LRFN2: variants seen among roughly 807,000 people sequenced by gnomAD.
LRFN2 encodes the protein leucine-rich repeat and fibronectin type-III domain-containing protein 2.
A neutral mutation model predicts 37.3 loss-of-function variants in LRFN2; 18 were observed. The observed-to-expected ratio is 0.48, with a 90% CI of 0.33 to 0.72. The LOEUF is 0.72. LRFN2 is among the 30% of genes least tolerant of loss of function. The pLI, the probability that LRFN2 is intolerant of heterozygous loss-of-function variation, is 0.02. For synonymous variants in LRFN2, 556 were observed against 466.6 expected (o/e 1.19, Z -2.47); for missense variants, 1,006 against 1,060.7 (o/e 0.95, Z 0.72).
chr6:40,499,892 G>A (rs1363240325), intron 1 of LRFN2, among the ~76,000 whole-genome samples: 2 of 152,216 alleles, frequency 1.3e-5, no homozygotes, highest in South Asian at 2.1e-4. Flanking sequence ...TTTCTCATCT[G>A]GAAAATGGGA....
At chr6:40,489,290 C>T (rs1189447013) in intron 1 of LRFN2, among the ~76,000 whole-genome samples, 1 of 152,242 alleles carries the variant, frequency 6.6e-6, no homozygotes, top group Non-Finnish European at 1.5e-5. Context: ...AGCACCAATT[C>T]AACAATCATC....
intron 2 of LRFN2, among the ~76,000 whole-genome samples, chr6:40,430,982 T>C (rs1386470795): frequency 6.6e-6 from 1 of 152,022 alleles, no homozygotes; most frequent in African/African-American, 2.4e-5. Flanking sequence ...AAATAGAACT[T>C]AGGGAAGGTA....
At chr6:40,521,130 G>C (rs1191825736) in intron 1 of LRFN2, among the ~76,000 whole-genome samples, 4 of 152,180 alleles carry the variant, frequency 2.6e-5, no homozygotes, top group Non-Finnish European at 5.9e-5. Context: ...GAGAAGAGGA[G>C]GGGACAGGAA....
At position 40,392,617 on chromosome 6, in the gene LRFN2, TG is replaced by T; in HGVS notation, c.1695del (p.Ser566AlafsTer7). Reference protein sequence around the residue: ...VRYKVCNHEAPSKMAAAVSNV... With the variant: ...VRYKVCNHEAXSKMAAAVSNV... ...TTGCTCACGGCCGCTGCCATCTTGC[TG>T]GGGGCCTCGTGGTTGCAGACCTTGT... On this transcript the variant is annotated frameshift_variant, in exon 3 of 3. Coordinates refer to ENST00000338305, the MANE Select transcript of LRFN2 (RefSeq NM_020737.3). LOFTEE classifies it high-confidence loss of function. The surrounding 1 kb of genome is among the most constrained non-coding windows in gnomAD (Gnocchi z 4.7). 6.2e-7 allele frequency: 1 copy of T among 1,610,822 alleles called. No individual in the cohort carries two copies.
At chr6:40,468,247 A>G (rs1000613428) in intron 1 of LRFN2, among the ~76,000 whole-genome samples, 4 of 151,970 alleles carry the variant, frequency 2.6e-5, no homozygotes, top group Non-Finnish European at 5.9e-5. Flanking sequence ...CTTCTTCCCC[A>G]CCCACAAGCA....
In LRFN2 at chr6:40,476,829, C is replaced by T. The variant is rs573706619; in HGVS notation, c.-18-43698G>A. On this transcript the variant is annotated intron_variant, in intron 1 of 2. Transcript: ENST00000338305. Reference sequence around the variant, plus strand: ...CAGAACAGGCCTCGGATGTTGGTGGCCCAATGGACATCTTCTGCCCCAGTC... The same window carrying T: ...CAGAACAGGCCTCGGATGTTGGTGGTCCAATGGACATCTTCTGCCCCAGTC... Among the ~76,000 whole-genome samples, 19 of 152,310 alleles carry T rather than the reference C, an allele frequency of 1.2e-4. No individual in the cohort carries two copies. In the East Asian group the frequency reaches 3.5e-3, roughly 28 times the overall value.
chr6:40,428,550 C>A (rs756964206), intron 2 of LRFN2, among the ~76,000 whole-genome samples: 5 of 152,210 alleles, frequency 3.3e-5, no homozygotes, highest in African/African-American at 7.2e-5. Flanking sequence ...CAAGCCATAA[C>A]CCCTTTTAGG....
chr6:40,396,733 T>G (rs2113793442), intron 2 of LRFN2, among the ~76,000 whole-genome samples: 1 of 104,582 alleles, frequency 9.6e-6, no homozygotes, highest in South Asian at 3.3e-4. Context: ...TGTGTGTGTA[T>G]GTGTGCGTGT....
intron 1 of LRFN2, among the ~76,000 whole-genome samples, chr6:40,471,962 G>A (rs1484311451): frequency 6.6e-6 from 1 of 152,152 alleles, no homozygotes; most frequent in East Asian, 1.9e-4. Flanking sequence ...CATGCCCCAG[G>A]TATCCCAAAT....
At chr6:40,435,202 C>G (rs1295593134) in intron 1 of LRFN2, among the ~76,000 whole-genome samples, 1 of 140,946 alleles carries the variant, frequency 7.1e-6, no homozygotes, top group Non-Finnish European at 1.5e-5. Context: ...GCTCTGTCAC[C>G]CAGGCTGGAG....
At chr6:40,507,819 A>G (rs548747903) in intron 1 of LRFN2, among the ~76,000 whole-genome samples, 8 of 152,202 alleles carry the variant, frequency 5.3e-5, no homozygotes, top group Non-Finnish European at 7.4e-5. Context: ...TTCAGATTCT[A>G]TCTGAATCTG....
chr6:40,392,255 C>T lies in LRFN2; in HGVS notation c.2058G>A (p.Thr686=), dbSNP rs570222636. ...GGTCCGAGTGGTGGCCCCGGGCCGA[C>T]GTCCCAGCCCCTCTCCCGGCTGGAG... The part of the protein sequence containing the change: ...SRTPAGRGAG[T]SARGHHSDRE... The change falls in exon 3 of 3, where the codon ACG becomes ACA. Residue 686 remains threonine (T), a synonymous_variant. Coordinates refer to ENST00000338305, the MANE Select transcript of LRFN2 (RefSeq NM_020737.3). The surrounding 1 kb of genome is among the most constrained non-coding windows in gnomAD (Gnocchi z 4.7). 3 of 1,585,164 alleles carry T rather than the reference C, an allele frequency of 1.9e-6. No individual in the cohort carries two copies. The highest frequency in any genetic ancestry group is 2.3e-5 in the East Asian group (1 of 44,318).
chr6:40,420,042 A>G (rs1001327396), intron 2 of LRFN2, among the ~76,000 whole-genome samples: 51 of 152,270 alleles, frequency 3.3e-4, no homozygotes, highest in Non-Finnish European at 4.0e-4. Flanking sequence ...TTACAATGCA[A>G]TCGGAGTTCA....
Position 40,500,426 on chromosome 6 carries a change from GCTT to G in LRFN2, c.-18-67298_-18-67296del, listed in dbSNP as rs377539240. 5.3e-5 allele frequency among the ~76,000 whole-genome samples: 8 copies of G among 152,354 alleles called. No individual in the cohort carries two copies. In the East Asian group the frequency reaches 1.5e-3, roughly 29 times the overall value. On this transcript the variant is annotated intron_variant, in intron 1 of 2. Transcript: ENST00000338305. ...CAGGCCGAGGGGCAGGCGGCTAATAGCTTGCATCACTGCAAGTCTTTGAGTGCC... is the reference window on the plus strand; with the variant it reads ...CAGGCCGAGGGGCAGGCGGCTAATAGGCATCACTGCAAGTCTTTGAGTGCC...
chr6:40,394,728 G>A (rs1762578627), intron 2 of LRFN2, among the ~76,000 whole-genome samples: 1 of 152,110 alleles, frequency 6.6e-6, no homozygotes, highest in Non-Finnish European at 1.5e-5. Context: ...TTGTGGGAGG[G>A]ACCTGGTGGG....
At chr6:40,522,634 AT>A (rs1766115911) in intron 1 of LRFN2, among the ~76,000 whole-genome samples, 1 of 152,156 alleles carries the variant, frequency 6.6e-6, no homozygotes. Flanking sequence ...AGGGGACCGT[AT>A]AAATTTTGCT....
intron 1 of LRFN2, among the ~76,000 whole-genome samples, chr6:40,491,704 C>T (rs1167434129): frequency 6.8e-6 from 1 of 146,202 alleles, no homozygotes; most frequent in African/African-American, 2.5e-5. Context: ...GTGTGTTTCC[C>T]TCACTCTATT....
At chr6:40,552,185 T>C (rs1329817392) in intron 1 of LRFN2, among the ~76,000 whole-genome samples, 1 of 152,212 alleles carries the variant, frequency 6.6e-6, no homozygotes, top group Non-Finnish European at 1.5e-5. Flanking sequence ...TTAGAAACTC[T>C]GAAGTGAGCC....
chr6:40,561,780 G>A (rs1322333715), intron 1 of LRFN2, among the ~76,000 whole-genome samples: 2 of 152,136 alleles, frequency 1.3e-5, no homozygotes, highest in African/African-American at 4.8e-5. Context: ...AGGAAGGAAG[G>A]GAGAATTCTC....
Sources: allele counts gnomAD v4.1 joint callset (sites outside exome capture counted in the v4.1 genomes callset), GRCh38; gene constraint gnomAD v4.1.1; non-coding constraint Gnocchi (gnomAD v3.1); transcripts MANE v1.5; gene names NCBI Gene and HGNC (gene_info 2026-07-23, HGNC 2026-07-21).